The following SYT1 variants were observed in gnomAD, a reference collection of about 807,000 sequenced individuals.
SYT1 encodes synaptotagmin 1.
A neutral mutation model predicts 44.8 loss-of-function variants in SYT1; 8 were observed. The ratio of observed to expected loss-of-function variants is 0.18; its 90% CI spans 0.10 to 0.32. The LOEUF (loss-of-function observed/expected upper bound fraction) is 0.32. Among genes scored for constraint, SYT1 ranks in the 10% least tolerant of loss-of-function variants. The pLI, the probability that SYT1 is intolerant of heterozygous loss-of-function variation, is 1.00. For synonymous variants in SYT1, 154 were observed against 188.8 expected (o/e 0.82, Z 1.51); for missense variants, 286 against 509.3 (o/e 0.56, Z 4.22).
intron 2 of SYT1, among the ~76,000 whole-genome samples, chr12:79,009,807 CTA>C (rs1160372838): frequency 2.6e-5 from 4 of 151,814 alleles, no homozygotes; most frequent in Non-Finnish European, 5.9e-5. Flanking sequence ...CATTATCATC[CTA>C]TGTTTCCTTT....
rs1874503356 is a variant in SYT1, at chr12:79,051,689, A to G, written c.-18+4327A>G. Reference sequence around the variant, plus strand: ...CCTTTTCTCATCTGGGTAATGAAAAATGTCTACCCAGCATACTTCCCAAGA... The same window carrying G: ...CCTTTTCTCATCTGGGTAATGAAAAGTGTCTACCCAGCATACTTCCCAAGA... On this transcript the variant is annotated intron_variant, in intron 3 of 10. Coordinates refer to ENST00000261205, the MANE Select transcript of SYT1 (RefSeq NM_005639.3). 7.2e-5 allele frequency among the ~76,000 whole-genome samples: 11 copies of G among 152,100 alleles called. No individual in the cohort carries two copies. In the South Asian group the frequency reaches 2.3e-3, roughly 31 times the overall value.
chr12:78,934,102 A>T (rs2137222036), intron 1 of SYT1, among the ~76,000 whole-genome samples: 1 of 151,982 alleles, frequency 6.6e-6, no homozygotes, highest in Admixed American at 6.5e-5. Flanking sequence ...TTACATATAT[A>T]TATGTGTGTA....
intron 2 of SYT1, among the ~76,000 whole-genome samples, chr12:79,035,741 C>A (rs895708176): frequency 7.9e-5 from 12 of 151,542 alleles, no homozygotes; most frequent in African/African-American, 2.9e-4. Context: ...TTTGATATAG[C>A]TGAGAAAATG....
intron 1 of SYT1, among the ~76,000 whole-genome samples, chr12:78,972,538 A>AAT (rs1254279670): frequency 9.9e-4 from 135 of 136,152 alleles, no homozygotes; most frequent in African/African-American, 2.8e-3. Flanking sequence ...GCAAAAAAAA[A>AAT]ATATATATAT....
intron 6 of SYT1, among the ~76,000 whole-genome samples, chr12:79,293,679 T>G (rs1235639227): frequency 1.3e-5 from 2 of 152,216 alleles, no homozygotes; most frequent in Admixed American, 6.5e-5. Flanking sequence ...TGTGCTTTAT[T>G]TAGGAATTGA....
intron 1 of SYT1, among the ~76,000 whole-genome samples, chr12:78,949,598 T>G (rs1878855646): frequency 1.3e-5 from 2 of 151,982 alleles, no homozygotes; most frequent in South Asian, 4.1e-4. Flanking sequence ...TGTTTCTGAG[T>G]CATTGCTATA....
chr12:79,422,065 C>T (rs900634590), intron 9 of SYT1, among the ~76,000 whole-genome samples: 7 of 151,960 alleles, frequency 4.6e-5, no homozygotes, highest in Non-Finnish European at 1.0e-4. Context: ...TCCTCGAGGC[C>T]GGTAATTTTA....
intron 3 of SYT1, among the ~76,000 whole-genome samples, chr12:79,082,122 C>T (rs1479546849): frequency 6.6e-6 from 1 of 152,164 alleles, no homozygotes; most frequent in Non-Finnish European, 1.5e-5. Context: ...GAATTCAACA[C>T]AGATTTTGGA....
At chr12:78,979,236 G>T (rs1333543941) in intron 2 of SYT1, among the ~76,000 whole-genome samples, 2 of 152,114 alleles carry the variant, frequency 1.3e-5, no homozygotes, top group African/African-American at 4.8e-5. Flanking sequence ...GGTGCCTAAT[G>T]TCCTTGCAGT....
intron 4 of SYT1, among the ~76,000 whole-genome samples, chr12:79,284,823 G>A (rs1879227842): frequency 6.9e-6 from 1 of 145,298 alleles, no homozygotes; most frequent in African/African-American, 2.6e-5. Context: ...TGGCAAGAGA[G>A]CGAGACTCCA....
intron 1 of SYT1, among the ~76,000 whole-genome samples, chr12:78,885,343 G>C (rs898973504): frequency 1.4e-5 from 2 of 147,138 alleles, no homozygotes; most frequent in Non-Finnish European, 3.0e-5. Flanking sequence ...AAGGAAGAAA[G>C]GAAGGAAGGA....
chr12:79,032,527 G>T (rs975428328), intron 2 of SYT1, among the ~76,000 whole-genome samples: 2 of 151,242 alleles, frequency 1.3e-5, no homozygotes, highest in Non-Finnish European at 3.0e-5. Context: ...ACTGTGATTT[G>T]TATTCAGCTA....
chr12:79,117,530 G>C (rs1424001320), intron 3 of SYT1, among the ~76,000 whole-genome samples: 1 of 150,812 alleles, frequency 6.6e-6, no homozygotes, highest in African/African-American at 2.4e-5. Flanking sequence ...TCTCCTGTTA[G>C]CTGCAGCCAC....
At chr12:79,233,927 G>A (rs560566033) in intron 4 of SYT1, among the ~76,000 whole-genome samples, 37 of 152,234 alleles carry the variant, frequency 2.4e-4, no homozygotes, top group African/African-American at 8.2e-4. Flanking sequence ...GATTGATGCC[G>A]CCTTGCCTCT....
intron 2 of SYT1, among the ~76,000 whole-genome samples, chr12:78,996,874 A>T (rs1442877813): frequency 1.3e-5 from 2 of 152,244 alleles, no homozygotes; most frequent in African/African-American, 2.4e-5. Context: ...CAGAATAAAT[A>T]TAGGCCTGGT....
chr12:79,372,863 C>G (rs1254973465), intron 9 of SYT1, among the ~76,000 whole-genome samples: 1 of 135,130 alleles, frequency 7.4e-6, no homozygotes, highest in Non-Finnish European at 1.5e-5. Context: ...CACTGTGCAC[C>G]CCATCTGAGT....
At chr12:78,880,560 T>G (rs1003510569) in intron 1 of SYT1, among the ~76,000 whole-genome samples, 1 of 151,670 alleles carries the variant, frequency 6.6e-6, no homozygotes, top group African/African-American at 2.4e-5. Flanking sequence ...ACAACACATA[T>G]TTGTTGTTCC....
chr12:78,997,178 T>A (rs910891057), intron 2 of SYT1, among the ~76,000 whole-genome samples: 1 of 152,214 alleles, frequency 6.6e-6, no homozygotes, highest in African/African-American at 2.4e-5. Context: ...AAGAGGCTCA[T>A]CCTATATGAA....
intron 2 of SYT1, among the ~76,000 whole-genome samples, chr12:79,013,255 C>T (rs1871541263): frequency 6.6e-6 from 1 of 151,640 alleles, no homozygotes; most frequent in African/African-American, 2.4e-5. Flanking sequence ...GTGTGTTTAC[C>T]ATATTGCCTA....
Sources: allele counts gnomAD v4.1 joint callset (sites outside exome capture counted in the v4.1 genomes callset), GRCh38; gene constraint gnomAD v4.1.1; transcripts MANE v1.5; gene names NCBI Gene and HGNC (gene_info 2026-07-23, HGNC 2026-07-21).